Variants in ZYX observed in about 807,000 individuals in gnomAD.
ZYX encodes the protein zyxin-2.
In ZYX, 37 loss-of-function variants were observed where a neutral mutation model predicts 58.1. The observed-to-expected ratio is 0.64, with a 90% CI of 0.49 to 0.84. The LOEUF is 0.84. Ranked by LOEUF, ZYX falls within the 40% of genes least tolerant of loss-of-function variation. The pLI, the probability that ZYX is intolerant of heterozygous loss-of-function variation, is 0.00. For synonymous variants in ZYX, 324 were observed against 321.1 expected, an observed-to-expected ratio of 1.01 and a Z score of -0.10; for missense variants, 762 against 761.6, an observed-to-expected ratio of 1.00 and a Z score of -0.01.
At chr7:143,382,178 G>A in intron 2 of ZYX, 70 bp from the exon 3 acceptor site, 4 of 1,317,840 alleles carry the variant, frequency 3.0e-6, no homozygotes, top group South Asian at 2.5e-5. Flanking sequence ...GGGTTAGAGC[G>A]GTTAACTGAG....
In ZYX at chr7:143,387,803, CGT is replaced by C; in HGVS notation, c.1024-410_1024-409del. 2.1e-6 allele frequency: 1 copy of C among 474,626 alleles called. No individual in the cohort carries two copies. 29.4% of individuals were successfully genotyped at this position (474,626 alleles called of 1,614,324 possible). On this transcript the variant is annotated intron_variant, in intron 5 of 9. Transcript: ENST00000322764. The surrounding 1 kb of genome is among the most constrained non-coding windows in gnomAD (Gnocchi z 5.8). The stretch of plus-strand genomic sequence containing the variant: ...GGCAGGCCGGGTAGGTGTGTGTGCG[CGT>C]GTGTGCACGCCATTGCGTGCCCCTG...
chr7:143,382,811 G>A lies in ZYX; in HGVS notation c.512G>A (p.Gly171Glu), dbSNP rs1563106605. ...NDPFKARVSS[G>E]YVPPPVATPF... is the part of the protein sequence containing the mutation. ...TCCCACCCCTTGCAGGTGTCATCTG[G>A]ATATGTGCCCCCACCAGTGGCCACT... The change falls in exon 5 of 10, where the codon GGA becomes GAA. Residue 171 changes from glycine (G) to glutamate (E), a missense_variant. Transcript: ENST00000322764. 1.2e-6 allele frequency: 2 copies of A among 1,606,404 alleles called. No homozygotes were observed. Among genetic ancestry groups the A allele is most frequent in the East Asian group, 4.5e-5 (2 of 44,822 alleles).
chr7:143,382,907 C>T lies in ZYX; in HGVS notation c.608C>T (p.Pro203Leu), dbSNP rs775264460. 1 of 1,614,060 alleles carries T rather than the reference C, an allele frequency of 6.2e-7. No individual in the cohort carries two copies. Among genetic ancestry groups the T allele is most frequent in the Non-Finnish European group, 8.5e-7 (1 of 1,179,998 alleles). Residue 203 changes from proline (P) to leucine (L), a missense_variant, in exon 5 of 10, where the codon CCT becomes CTT. By Grantham distance (98) the Pro-to-Leu change is moderately conservative (BLOSUM62 -3). Coordinates refer to ENST00000322764, the MANE Select transcript of ZYX (RefSeq NM_003461.5). ...GCACCCCTGCCTCCTTGGAAGTCCC[C>T]TTCCAGCTCCCAGCCTCTGCCCCAG... ...GTAPLPPWKSPSSSQPLPQVP... is the reference protein window; with the variant it reads ...GTAPLPPWKSLSSSQPLPQVP...
At position 143,381,714 on chromosome 7, in the gene ZYX, C is replaced by G; in HGVS notation, c.143C>G (p.Pro48Arg). The change falls in exon 2 of 10, where the codon CCG becomes CGG. Residue 48 changes from proline to arginine, a missense_variant. Transcript: ENST00000322764. ...CGGCCCGGGGACAGCGAGCCTCCCC[C>G]GGCACCCGGGGCCCAGCGCGCACAG... ...PFRPGDSEPP[P>R]APGAQRAQMG... 1 of 1,602,706 alleles carries G rather than the reference C, an allele frequency of 6.2e-7. No homozygotes were observed. Among genetic ancestry groups the G allele is most frequent in the Non-Finnish European group, 8.5e-7 (1 of 1,175,234 alleles).
In ZYX at chr7:143,387,662, A is replaced by C; in HGVS notation, c.1024-557A>C. On this transcript the variant is annotated intron_variant, in intron 5 of 9. Transcript: ENST00000322764. This position sits in a 1 kb window ranked among gnomAD's most constrained non-coding sequence, Gnocchi z 5.8. ...AGGTAGTTCAGAGGCCCCTCACTCG[A>C]GGGACAGGGTCTCTGTGTGGGGGTG... 2.1e-6 allele frequency: 1 copy of C among 470,042 alleles called. No individual in the cohort carries two copies. The highest frequency in any genetic ancestry group is 4.4e-6 in the Non-Finnish European group (1 of 226,304). 29.1% of individuals were successfully genotyped at this position (470,042 alleles called of 1,614,324 possible). A position where few individuals can be genotyped will look rare whatever the true frequency, so the allele number is the denominator to read the frequency against.
Position 143,389,831 on chromosome 7 carries a change from C to T in ZYX, c.1494-26C>T, listed in dbSNP as rs191084537. The T allele has an allele frequency of 3.9e-4, 632 of 1,612,386 alleles. 1 individual carries two copies. In the African/African-American group the frequency reaches 7.7e-3, roughly 20 times the overall value. Reference sequence around the variant, plus strand: ...CCGGGGATGAAAGCCCTGGCTAACTCGGCTGGCCCTTTCTGCCCCTTCCAG... The same window carrying T: ...CCGGGGATGAAAGCCCTGGCTAACTTGGCTGGCCCTTTCTGCCCCTTCCAG... On this transcript the variant is annotated intron_variant, in intron 8 of 9. Transcript: ENST00000322764. This position sits in a 1 kb window ranked among gnomAD's most constrained non-coding sequence, Gnocchi z 5.6.
rs902271820 is a variant in ZYX, at chr7:143,390,907, G to A, written c.*225G>A. On this transcript the variant is annotated 3_prime_UTR_variant, in exon 10 of 10. Coordinates refer to ENST00000322764, the MANE Select transcript of ZYX (RefSeq NM_003461.5). This position sits in a 1 kb window ranked among gnomAD's most constrained non-coding sequence, Gnocchi z 4.3. ...GCCCATCCTGCAGGGATTGCCCACC[G>A]TCTTCCAGACACCCCACCTGAGGGG... 53 of 535,858 alleles carry A rather than the reference G, an allele frequency of 9.9e-5. No individual in the cohort carries two copies. Among genetic ancestry groups the A allele is most frequent in the African/African-American group, 2.3e-4 (12 of 52,114 alleles). The allele number at this position is 535,858 out of a possible 1,614,324, so 33.2% of individuals were successfully genotyped here.
intron 5 of ZYX, among the ~76,000 whole-genome samples, chr7:143,385,617 G>GTATATAT (rs1403887685): frequency 7.0e-6 from 1 of 142,488 alleles, no homozygotes; most frequent in Non-Finnish European, 1.5e-5. Context: ...TGGCGTATGT[G>GTATATAT]TATATATGTG....
Position 143,383,199 on chromosome 7 carries a change from A to G in ZYX, c.900A>G (p.Glu300=), listed in dbSNP as rs140819301. ...SQPNQKLGHP[E]ALSAGTGSPQ... The stretch of plus-strand genomic sequence containing the variant: ...CAAATCAAAAATTGGGGCACCCCGA[A>G]GCTCTTTCTGCTGGCACAGGCTCCC... Residue 300 remains glutamate, a synonymous_variant, in exon 5 of 10, where the codon GAA becomes GAG. Coordinates refer to ENST00000322764, the MANE Select transcript of ZYX (RefSeq NM_003461.5). The G allele has an allele frequency of 7.2e-4, 1,162 of 1,614,138 alleles. 13 individuals carry two copies. The African/African-American group carries it at 0.014, about 19-fold the overall frequency.
In ZYX at chr7:143,390,762, G is replaced by C; in HGVS notation, c.*80G>C. On this transcript the variant is annotated 3_prime_UTR_variant, in exon 10 of 10. Coordinates refer to ENST00000322764, the MANE Select transcript of ZYX (RefSeq NM_003461.5). This position sits in a 1 kb window ranked among gnomAD's most constrained non-coding sequence, Gnocchi z 4.3. Reference sequence around the variant, plus strand: ...ACTGAGACCACCTGCCCCCACCTCAGTTATTGTTTTGATGTCTAGCCCCTC... The same window carrying C: ...ACTGAGACCACCTGCCCCCACCTCACTTATTGTTTTGATGTCTAGCCCCTC... The C allele has an allele frequency of 9.0e-7, 1 of 1,110,614 alleles. No homozygotes were observed. Among genetic ancestry groups the C allele is most frequent in the Non-Finnish European group, 1.3e-6 (1 of 756,872 alleles). 68.8% of individuals were successfully genotyped at this position (1,110,614 alleles called of 1,614,324 possible). A position where few individuals can be genotyped will look rare whatever the true frequency, so the allele number is the denominator to read the frequency against.
In ZYX at chr7:143,383,024, C is replaced by T; in HGVS notation, c.725C>T (p.Thr242Ile). The change falls in exon 5 of 10, where the codon ACC (threonine) becomes ATC (isoleucine). Residue 242 changes from threonine to isoleucine, a missense_variant. Coordinates refer to ENST00000322764, the MANE Select transcript of ZYX (RefSeq NM_003461.5). Reference sequence around the variant, plus strand: ...GTCCAACTCCATGTCCAGTCCCAGACCCAGCCTGTGTCTTTGGCTAACACC... The same window carrying T: ...GTCCAACTCCATGTCCAGTCCCAGATCCAGCCTGTGTCTTTGGCTAACACC... ...PQVQLHVQSQ[T>I]QPVSLANTQP... 1 of 1,614,082 alleles carries T rather than the reference C, an allele frequency of 6.2e-7. No homozygotes were observed. Among genetic ancestry groups the T allele is most frequent in the South Asian group, 1.1e-5 (1 of 91,078 alleles).
chr7:143,388,963 G>C lies in ZYX; in HGVS notation c.1493+18G>C, dbSNP rs1563111169. On this transcript the variant is annotated intron_variant, in intron 8 of 9. Coordinates refer to ENST00000322764, the MANE Select transcript of ZYX (RefSeq NM_003461.5). This position sits in a 1 kb window ranked among gnomAD's most constrained non-coding sequence, Gnocchi z 7.5. ...TACCACAAGTGAGGACCTGCCACCT[G>C]CCTTCTGGGTTCCCGGCGTGCTTGG... 1 of 1,597,338 alleles carries C rather than the reference G, an allele frequency of 6.3e-7. No individual in the cohort carries two copies. Among genetic ancestry groups the C allele is most frequent in the Non-Finnish European group, 8.5e-7 (1 of 1,170,952 alleles).
Position 143,382,667 on chromosome 7 carries a change from T to C in ZYX, c.483T>C (p.Asn161=). ...CACTGCTGGATGACATGACCAAGAA[T>C]GATCCTTTCAAAGCCCGGGTAAGGG... is the stretch of plus-strand genomic sequence containing the variant. The part of the protein sequence containing the change: ...LSSLLDDMTK[N]DPFKARVSSG... Residue 161 remains asparagine, a synonymous_variant, in exon 4 of 10, where the codon AAT becomes AAC. Coordinates refer to ENST00000322764, the MANE Select transcript of ZYX (RefSeq NM_003461.5). 1 of 1,614,052 alleles carries C rather than the reference T, an allele frequency of 6.2e-7. No homozygotes were observed. Among genetic ancestry groups the C allele is most frequent in the South Asian group, 1.1e-5 (1 of 91,084 alleles).
Position 143,391,050 on chromosome 7 carries a change from C to G in ZYX, c.*368C>G. 1 of 311,948 alleles carries G rather than the reference C, an allele frequency of 3.2e-6. No individual in the cohort carries two copies. The highest frequency in any genetic ancestry group is 6.0e-6 in the Non-Finnish European group (1 of 166,308). 19.3% of individuals were successfully genotyped at this position (311,948 alleles called of 1,614,324 possible). On this transcript the variant is annotated 3_prime_UTR_variant, in exon 10 of 10. Transcript: ENST00000322764. ...GGAGACCCTCCAGGACATTCCCACC[C>G]TCCCCCATGCTGCCAAGTTGTAGCT...
chr7:143,388,800 C>T lies in ZYX; in HGVS notation c.1348C>T (p.Pro450Ser). 1 of 1,614,018 alleles carries T rather than the reference C, an allele frequency of 6.2e-7. No homozygotes were observed. The highest frequency in any genetic ancestry group is 1.3e-5 in the African/African-American group (1 of 75,042). ...TLEKCNTCGE[P>S]ITDRMLRATG... ...GGAGAAGTGTAACACCTGCGGGGAG[C>T]CCATCACTGACCGCATGCTGAGGGC... is the stretch of plus-strand genomic sequence containing the variant. Residue 450 changes from proline (P) to serine (S), a missense_variant, in exon 8 of 10, where the codon CCC (proline) becomes TCC (serine). Physicochemically the swap from Pro to Ser is moderately conservative, Grantham distance 74. Coordinates refer to ENST00000322764, the MANE Select transcript of ZYX (RefSeq NM_003461.5). The surrounding 1 kb of genome is among the most constrained non-coding windows in gnomAD (Gnocchi z 7.5).
Position 143,383,081 on chromosome 7 carries a change from C to T in ZYX, c.782C>T (p.Ala261Val). ...CGAGGGCCCCCAGCCTCATCTCCGG[C>T]TCCAGCCCCTAAGTTTTCTCCAGTG... ...QPRGPPASSP[A>V]PAPKFSPVTP... is the part of the protein sequence containing the mutation. The change falls in exon 5 of 10, where the codon GCT becomes GTT. Residue 261 changes from alanine (A) to valine (V), a missense_variant. Physicochemically the swap from Ala to Val is moderately conservative, Grantham distance 64. Coordinates refer to ENST00000322764, the MANE Select transcript of ZYX (RefSeq NM_003461.5). 2 of 1,614,216 alleles carry T rather than the reference C, an allele frequency of 1.2e-6. No homozygotes were observed. Among genetic ancestry groups the T allele is most frequent in the Non-Finnish European group, 8.5e-7 (1 of 1,180,032 alleles).
rs1433286162 is a variant in ZYX, at chr7:143,388,880, C to T, written c.1428C>T (p.Pro476=). 27 of 1,613,806 alleles carry T rather than the reference C, an allele frequency of 1.7e-5. No homozygotes were observed. Among genetic ancestry groups the T allele is most frequent in the Non-Finnish European group, 2.2e-5 (26 of 1,179,976 alleles). Residue 476 remains proline (P), a synonymous_variant, in exon 8 of 10, where the codon CCC becomes CCT. Transcript: ENST00000322764. This position sits in a 1 kb window ranked among gnomAD's most constrained non-coding sequence, Gnocchi z 7.5. ...TCACCTGTGTGGTCTGCGCCCGCCC[C>T]CTGGAGGGCACCTCCTTCATCGTGG... The part of the protein sequence containing the change: ...HCFTCVVCAR[P]LEGTSFIVDQ...
rs1804898398 is a variant in ZYX, at chr7:143,387,305, G to C, written c.1024-914G>C. On this transcript the variant is annotated intron_variant, in intron 5 of 9. Transcript: ENST00000322764. This position sits in a 1 kb window ranked among gnomAD's most constrained non-coding sequence, Gnocchi z 5.8. ...GAGGGGCTATGGGAGGAGGTAGCAG[G>C]GGGGCTTTGGAGGTTCCAGGTGTTA... Among the ~76,000 whole-genome samples the C allele has an allele frequency of 6.6e-6, 1 of 152,216 alleles. No individual in the cohort carries two copies. Among genetic ancestry groups the C allele is most frequent in the Non-Finnish European group, 1.5e-5 (1 of 68,012 alleles).
Position 143,382,458 on chromosome 7 carries a change from C to T in ZYX, c.408+11C>T, listed in dbSNP as rs1804660320. 4 of 1,599,304 alleles carry T rather than the reference C, an allele frequency of 2.5e-6. No homozygotes were observed. The highest frequency in any genetic ancestry group is 3.4e-6 in the Non-Finnish European group (4 of 1,171,716). On this transcript the variant is annotated intron_variant, in intron 3 of 9. Transcript: ENST00000322764. The stretch of plus-strand genomic sequence containing the variant: ...CCGCCCCCACCACAGGTACGGAGGC[C>T]TGGGAGGGGCGGCTGCACTGGACAC...
Sources: allele counts gnomAD v4.1 joint callset (sites outside exome capture counted in the v4.1 genomes callset), GRCh38; gene constraint gnomAD v4.1.1; non-coding constraint Gnocchi (gnomAD v3.1); transcripts MANE v1.5; gene names NCBI Gene and HGNC (gene_info 2026-07-23, HGNC 2026-07-21).